CTNNA3: variants seen among roughly 807,000 people sequenced by gnomAD.
CTNNA3 encodes the protein catenin alpha 3, also known as catenin alpha-3.
In CTNNA3, 76 loss-of-function variants were observed where a neutral mutation model predicts 95.7. That is an observed-to-expected ratio of 0.79 (90% CI 0.66 to 0.96). The LOEUF (loss-of-function observed/expected upper bound fraction) is 0.96. Among genes scored for constraint, CTNNA3 ranks in the 40% least tolerant of loss-of-function variants. CTNNA3 has a pLI of 0.00. For synonymous variants in CTNNA3, 431 were observed against 374.4 expected, an observed-to-expected ratio of 1.15 and a Z score of -1.74; for missense variants, 1,191 against 1,089.8, an observed-to-expected ratio of 1.09 and a Z score of -1.31.
chr10:66,356,764 C>T (rs2132409729), intron 12 of CTNNA3, among the ~76,000 whole-genome samples: 1 of 152,050 alleles, frequency 6.6e-6, no homozygotes, highest in South Asian at 2.1e-4. Flanking sequence ...TACCTTTTAT[C>T]AAATTAGGAA....
intron 7 of CTNNA3, among the ~76,000 whole-genome samples, chr10:67,037,974 T>A (rs1854166053): frequency 6.6e-6 from 1 of 152,080 alleles, no homozygotes; most frequent in Admixed American, 6.6e-5. Context: ...ATTAAGGGGA[T>A]TAACATGAAT....
At chr10:67,334,092 T>G (rs542154038) in intron 5 of CTNNA3, 7 of 152,334 alleles carry the variant, frequency 4.6e-5, no homozygotes, top group Non-Finnish European at 8.8e-5. Flanking sequence ...ATGTTTGGTC[T>G]TGTTGCTTCC....
intron 11 of CTNNA3, among the ~76,000 whole-genome samples, chr10:66,455,868 A>G (rs1260543400): frequency 1.3e-5 from 2 of 152,206 alleles, no homozygotes; most frequent in Non-Finnish European, 2.9e-5. Context: ...CCCTGCATCA[A>G]CAGGATACAA....
At chr10:67,515,786 C>T (rs1380878255) in intron 5 of CTNNA3, among the ~76,000 whole-genome samples, 2 of 152,114 alleles carry the variant, frequency 1.3e-5, no homozygotes, top group African/African-American at 4.8e-5. Flanking sequence ...CCCAATTGAG[C>T]AATTAACATA....
chr10:67,455,351 T>G (rs1370934239), intron 5 of CTNNA3, among the ~76,000 whole-genome samples: 2 of 151,788 alleles, frequency 1.3e-5, no homozygotes, highest in African/African-American at 2.4e-5. Context: ...AAAAGAAAAA[T>G]AAAATCCCAA....
intron 2 of CTNNA3, among the ~76,000 whole-genome samples, chr10:67,623,362 G>A (rs2133416726): frequency 6.6e-6 from 1 of 152,272 alleles, no homozygotes; most frequent in East Asian, 1.9e-4. Flanking sequence ...AACTCTTTGG[G>A]CATCTAGGCA....
intron 12 of CTNNA3, among the ~76,000 whole-genome samples, chr10:66,305,088 C>T (rs911704284): frequency 2.0e-5 from 3 of 152,020 alleles, no homozygotes; most frequent in African/African-American, 7.2e-5. Flanking sequence ...CTCTAACCCC[C>T]ACTATATAAA....
intron 5 of CTNNA3, among the ~76,000 whole-genome samples, chr10:67,450,574 A>G (rs1035321168): frequency 5.5e-4 from 83 of 152,216 alleles, no homozygotes; most frequent in African/African-American, 1.9e-3. Flanking sequence ...AGTGGGAGAT[A>G]AAGGATAAGA....
At chr10:67,613,280 C>T (rs1014343568) in intron 2 of CTNNA3, among the ~76,000 whole-genome samples, 1 of 151,766 alleles carries the variant, frequency 6.6e-6, no homozygotes, top group African/African-American at 2.4e-5. Context: ...TGCTCTACCA[C>T]GAACTCAATA....
intron 13 of CTNNA3, among the ~76,000 whole-genome samples, chr10:66,122,136 T>C (rs1263105818): frequency 2.6e-5 from 4 of 151,890 alleles, no homozygotes; most frequent in Admixed American, 6.6e-5. Flanking sequence ...GTAATATAAA[T>C]AGAGAGATGA....
intron 13 of CTNNA3, among the ~76,000 whole-genome samples, chr10:66,115,653 T>C (rs1465283681): frequency 6.7e-6 from 1 of 149,024 alleles, no homozygotes; most frequent in Non-Finnish European, 1.5e-5. Flanking sequence ...ACTGACACGA[T>C]GTCTTTTACT....
intron 1 of CTNNA3, among the ~76,000 whole-genome samples, chr10:67,731,212 T>G (rs1384228794): frequency 6.6e-6 from 1 of 152,190 alleles, no homozygotes; most frequent in Non-Finnish European, 1.5e-5. Flanking sequence ...TAGGAAATGC[T>G]GTTTTTTCAT....
intron 1 of CTNNA3, among the ~76,000 whole-genome samples, chr10:67,739,751 C>T (rs1256691315): frequency 6.6e-6 from 1 of 152,138 alleles, no homozygotes; most frequent in Non-Finnish European, 1.5e-5. Flanking sequence ...TTTATAGATT[C>T]AATGCCATCC....
chr10:66,583,766 T>C (rs1843272405), intron 10 of CTNNA3, among the ~76,000 whole-genome samples: 1 of 151,812 alleles, frequency 6.6e-6, no homozygotes, highest in Non-Finnish European at 1.5e-5. Flanking sequence ...TCAGATGTAT[T>C]GTTAGGCTGT....
At chr10:66,365,288 G>T (rs1319050359) in intron 12 of CTNNA3, among the ~76,000 whole-genome samples, 1 of 152,084 alleles carries the variant, frequency 6.6e-6, no homozygotes, top group Admixed American at 6.6e-5. Context: ...CATAAGATGA[G>T]AAAACCAAAC....
intron 3 of CTNNA3, among the ~76,000 whole-genome samples, chr10:67,551,682 C>T (rs1841038873): frequency 1.3e-5 from 2 of 152,170 alleles, no homozygotes; most frequent in Admixed American, 1.3e-4. Context: ...TCTGTATGCT[C>T]CCCTAGAGAT....
At chr10:67,643,313 C>T (rs921036111) in intron 2 of CTNNA3, among the ~76,000 whole-genome samples, 12 of 151,734 alleles carry the variant, frequency 7.9e-5, no homozygotes, top group African/African-American at 2.9e-4. Context: ...TGGGGTCTGT[C>T]AGCAGGGGTG....
chr10:67,706,311 G>A (rs1426427001), intron 1 of CTNNA3, among the ~76,000 whole-genome samples: 2 of 151,844 alleles, frequency 1.3e-5, no homozygotes, highest in Admixed American at 6.6e-5. Flanking sequence ...CACCCTGCAG[G>A]GATTGTCTGG....
chr10:66,349,702 C>A (rs1243341148), intron 12 of CTNNA3, among the ~76,000 whole-genome samples: 1 of 151,942 alleles, frequency 6.6e-6, no homozygotes, highest in Non-Finnish European at 1.5e-5. Flanking sequence ...ATTCAAAATC[C>A]AGAGAGTATG....
Sources: gnomAD v4.1 joint callset for allele counts (sites outside exome capture counted in the v4.1 genomes callset) on GRCh38, gnomAD v4.1.1 for gene constraint, MANE v1.5 for transcripts, NCBI Gene and HGNC (gene_info 2026-07-23, HGNC 2026-07-21) for gene names.